Variants in KCNU1 observed in about 807,000 individuals in gnomAD.
KCNU1 encodes the protein potassium calcium-activated channel subfamily U member 1.
Under a neutral mutation model 126.8 loss-of-function variants are expected in KCNU1, and 93 were observed. The observed-to-expected ratio is 0.73, with a 90% CI of 0.62 to 0.87. The LOEUF (loss-of-function observed/expected upper bound fraction) is 0.87. Among genes scored for constraint, KCNU1 ranks in the 40% least tolerant of loss-of-function variants. The pLI is 0.00. For synonymous variants in KCNU1, 523 were observed against 494.2 expected (o/e 1.06, Z -0.77); for missense variants, 1,330 against 1,367.1 (o/e 0.97, Z 0.43).
rs772507751 is a variant in KCNU1 at position 36,932,992 on chromosome 8, C to T, written c.3004C>T (p.Arg1002Ter). The T allele has an allele frequency of 5.7e-6, 9 of 1,569,760 alleles. No homozygotes were observed. Among genetic ancestry groups the T allele is most frequent in the Admixed American group, 3.7e-5 (2 of 53,428 alleles). The change falls in exon 26 of 27, where the codon CGA becomes TGA. Residue 1002 changes from arginine (R) to a stop codon, truncating the protein, a stop_gained. Coordinates refer to ENST00000399881, the MANE Select transcript of KCNU1 (RefSeq NM_001031836.3). LOFTEE classifies it low-confidence loss of function (END_TRUNC). ...TGGAATCCTGTGTGTTGGCTTATACCGAATAATTGATGAAGAGGAGCTCAA... is the reference window on the plus strand; with the variant it reads ...TGGAATCCTGTGTGTTGGCTTATACTGAATAATTGATGAAGAGGAGCTCAA... ...LFGILCVGLY[R>*]IIDEEELNPE...
chr8:36,829,888 A>T (rs1350439380), intron 10 of KCNU1, among the ~76,000 whole-genome samples: 1 of 151,154 alleles, frequency 6.6e-6, no homozygotes, highest in Non-Finnish European at 1.5e-5. Flanking sequence ...AATATCTTCC[A>T]GTAGGGTTTA....
chr8:36,788,524 A>T (rs942159237), intron 2 of KCNU1, among the ~76,000 whole-genome samples: 9 of 152,188 alleles, frequency 5.9e-5, no homozygotes, highest in Non-Finnish European at 1.2e-4. Flanking sequence ...TGTGAGCTAA[A>T]GATTATCCTC....
intron 18 of KCNU1, among the ~76,000 whole-genome samples, chr8:36,851,169 AT>A (rs1476048924): frequency 6.6e-6 from 1 of 152,194 alleles, no homozygotes; most frequent in Admixed American, 6.5e-5. Flanking sequence ...AATTTTGGAA[AT>A]ATCTTAATTA....
At chr8:36,923,141 C>T (rs1808422165) in intron 24 of KCNU1, 1 of 448,388 alleles carries the variant, frequency 2.2e-6, no homozygotes, top group Non-Finnish European at 4.5e-6. Flanking sequence ...TTTTCAGCAC[C>T]TCTTTAGCCA....
At chr8:36,860,915 T>G (rs1805705993) in intron 18 of KCNU1, among the ~76,000 whole-genome samples, 2 of 151,976 alleles carry the variant, frequency 1.3e-5, no homozygotes, top group African/African-American at 4.8e-5. Context: ...GGGTCACTTT[T>G]TTTTTTTTTT....
At chr8:36,851,677 A>C (rs1030771222) in intron 18 of KCNU1, among the ~76,000 whole-genome samples, 2 of 152,102 alleles carry the variant, frequency 1.3e-5, no homozygotes, top group Non-Finnish European at 2.9e-5. Flanking sequence ...GTTTTGTACT[A>C]CTTTTGTTAA....
chr8:36,922,111 C>T (rs1270137314), intron 23 of KCNU1, among the ~76,000 whole-genome samples: 1 of 152,150 alleles, frequency 6.6e-6, no homozygotes, highest in Non-Finnish European at 1.5e-5. Flanking sequence ...ACTGGGGTGA[C>T]CATGTGTTCC....
chr8:36,850,324 T>C (rs569489673), intron 18 of KCNU1, among the ~76,000 whole-genome samples: 10 of 152,344 alleles, frequency 6.6e-5, no homozygotes, highest in African/African-American at 9.6e-5. Context: ...TGTTCAATGA[T>C]ATATTTTTTA....
At chr8:36,798,716 C>A (rs1021969571) in intron 2 of KCNU1, among the ~76,000 whole-genome samples, 29 of 152,172 alleles carry the variant, frequency 1.9e-4, no homozygotes, top group Admixed American at 3.9e-4. Context: ...TTTAAATTTA[C>A]CTATATCCTG....
chr8:36,836,512 A>T lies in KCNU1; in HGVS notation c.1365+147A>T. On this transcript the variant is annotated intron_variant, in intron 13 of 26. Transcript: ENST00000399881. ...TCTTATTAAGATGGATAATCACTTA[A>T]CAATGTAAATTGGGGGCAGAATTAG... 5.7e-5 allele frequency: 36 copies of T among 630,578 alleles called. No homozygotes were observed. In the South Asian group the frequency reaches 7.1e-4, roughly 12 times the overall value. 39.1% of individuals were successfully genotyped at this position (630,578 alleles called of 1,614,324 possible). A position where few individuals can be genotyped will look rare whatever the true frequency, so the allele number is the denominator to read the frequency against.
rs369205082 is a variant in KCNU1, at chr8:36,891,772, A to G, written c.2010-13936A>G. Among the ~76,000 whole-genome samples the G allele has an allele frequency of 1.3e-3, 204 of 152,126 alleles. 1 individual carries two copies. Among genetic ancestry groups the G allele is most frequent in the African/African-American group, 4.8e-3 (200 of 41,536 alleles). On this transcript the variant is annotated intron_variant, in intron 19 of 26. Transcript: ENST00000399881. The stretch of plus-strand genomic sequence containing the variant: ...TAAGCCTTTTTTTTGAGAACTTTAT[A>G]TATGTTCTTCCACTGCCTTCTGGCT...
intron 18 of KCNU1, among the ~76,000 whole-genome samples, chr8:36,855,200 A>G (rs1464569286): frequency 6.6e-6 from 1 of 152,130 alleles, no homozygotes; most frequent in Non-Finnish European, 1.5e-5. Context: ...ATTTCCAGTA[A>G]TATTCCAGAG....
chr8:36,793,508 AT>A (rs1341402775), intron 2 of KCNU1, among the ~76,000 whole-genome samples: 25 of 152,072 alleles, frequency 1.6e-4, no homozygotes, highest in African/African-American at 6.0e-4. Context: ...CCAGAAAAAA[AT>A]ATATAAAATA....
At chr8:36,798,170 C>T (rs966545431) in intron 2 of KCNU1, among the ~76,000 whole-genome samples, 10 of 152,148 alleles carry the variant, frequency 6.6e-5, no homozygotes, top group African/African-American at 2.4e-4. Flanking sequence ...CAATTACCAT[C>T]CGTGCTGGAC....
chr8:36,802,449 G>C (rs1266354079), intron 2 of KCNU1, among the ~76,000 whole-genome samples: 1 of 152,168 alleles, frequency 6.6e-6, no homozygotes, highest in African/African-American at 2.4e-5. Context: ...TGTCAGACGA[G>C]TTGCCACCCA....
chr8:36,917,970 C>A (rs1229624391), intron 22 of KCNU1, among the ~76,000 whole-genome samples: 1 of 152,146 alleles, frequency 6.6e-6, no homozygotes, highest in East Asian at 1.9e-4. Flanking sequence ...AACAGCAGTG[C>A]CTCAGCCCAG....
At chr8:36,894,805 A>G (rs1380608302) in intron 19 of KCNU1, among the ~76,000 whole-genome samples, 1 of 152,170 alleles carries the variant, frequency 6.6e-6, no homozygotes. Flanking sequence ...AAATACATGT[A>G]GACCAGAAAC....
intron 10 of KCNU1, among the ~76,000 whole-genome samples, chr8:36,832,867 C>T (rs1484986987): frequency 6.6e-6 from 1 of 152,070 alleles, no homozygotes; most frequent in African/African-American, 2.4e-5. Flanking sequence ...ATATTTTCAA[C>T]ATATTTCTAA....
At chr8:36,812,945 G>T (rs111581367) in intron 7 of KCNU1, among the ~76,000 whole-genome samples, 2 of 152,156 alleles carry the variant, frequency 1.3e-5, no homozygotes, top group African/African-American at 4.8e-5. Context: ...GTTGTGCAGG[G>T]ATAATATTGA....
Sources: gnomAD v4.1 joint callset for allele counts (sites outside exome capture counted in the v4.1 genomes callset) on GRCh38, gnomAD v4.1.1 for gene constraint, MANE v1.5 for transcripts, NCBI Gene and HGNC (gene_info 2026-07-23, HGNC 2026-07-21) for gene names.